The following CDH18 variants were observed in gnomAD, a reference collection of about 807,000 sequenced individuals.
CDH18 encodes cadherin 18.
Under a neutral mutation model 67.9 loss-of-function variants are expected in CDH18, and 31 were observed. The ratio of observed to expected loss-of-function variants is 0.46; its 90% confidence interval spans 0.34 to 0.62. The LOEUF is 0.62. Ranked by LOEUF, CDH18 falls within the 20% of genes least tolerant of loss-of-function variation. The pLI is 0.01. For synonymous variants in CDH18, 362 were observed against 347.2 expected (o/e 1.04, Z -0.48); for missense variants, 890 against 975.5 (o/e 0.91, Z 1.17).
intron 1 of CDH18, among the ~76,000 whole-genome samples, chr5:20,446,660 A>G (rs905657439): frequency 1.3e-5 from 2 of 152,244 alleles, no homozygotes; most frequent in African/African-American, 4.8e-5. Context: ...ACACTAATTC[A>G]AAGCACTTTA....
intron 11 of CDH18, among the ~76,000 whole-genome samples, chr5:19,491,587 C>T (rs775825680): frequency 1.4e-4 from 21 of 152,128 alleles, no homozygotes; most frequent in Non-Finnish European, 2.8e-4. Flanking sequence ...TTTGAAAAGA[C>T]TCCAAAAGAC....
At chr5:20,462,005 T>C (rs757101249) in intron 1 of CDH18, among the ~76,000 whole-genome samples, 2 of 152,182 alleles carry the variant, frequency 1.3e-5, no homozygotes, top group African/African-American at 4.8e-5. Context: ...AATCCAGCAA[T>C]GTCACTACTG....
intron 2 of CDH18, among the ~76,000 whole-genome samples, chr5:19,926,084 C>G (rs931279287): frequency 6.6e-6 from 1 of 151,860 alleles, no homozygotes; most frequent in Non-Finnish European, 1.5e-5. Context: ...CGTGGTTCAC[C>G]TGCAATTTTT....
intron 1 of CDH18, among the ~76,000 whole-genome samples, chr5:20,300,128 T>C (rs1747850689): frequency 6.6e-6 from 1 of 152,182 alleles, no homozygotes. Context: ...AAATATCCTG[T>C]AATCTTTCCT....
At chr5:20,541,103 G>A (rs565985436) in intron 1 of CDH18, among the ~76,000 whole-genome samples, 44 of 152,248 alleles carry the variant, frequency 2.9e-4, no homozygotes, top group African/African-American at 9.6e-4. Context: ...AAGTGCAAAA[G>A]CAGGAATGAA....
At position 19,729,669 on chromosome 5, in the gene CDH18, T is replaced by C. The variant is rs1041321704; in HGVS notation, c.524-8203A>G. Among the ~76,000 whole-genome samples the C allele has an allele frequency of 2.6e-5, 4 of 152,160 alleles. No individual in the cohort carries two copies. In the East Asian group the frequency reaches 7.7e-4, roughly 29 times the overall value. On this transcript the variant is annotated intron_variant, in intron 4 of 12. Transcript: ENST00000382275. ...GCAGAATACTTAGAAGGGAGTAATA[T>C]CCAGGAACTAACAACACTGTTGTGC... is the stretch of plus-strand genomic sequence containing the variant.
At chr5:19,753,529 TA>T in intron 3 of CDH18, among the ~76,000 whole-genome samples, 1 of 152,162 alleles carries the variant, frequency 6.6e-6, no homozygotes, top group Non-Finnish European at 1.5e-5. Context: ...GGGATTATAT[TA>T]AATGACCAAA....
chr5:20,305,623 G>C, intron 1 of CDH18: 3 of 471,746 alleles, frequency 6.4e-6, no homozygotes, highest in East Asian at 4.5e-5. Flanking sequence ...GGCAAACCCA[G>C]AGACTCAAAC....
intron 5 of CDH18, among the ~76,000 whole-genome samples, chr5:19,614,628 GATT>G (rs1580504136): frequency 6.6e-6 from 1 of 151,996 alleles, no homozygotes; most frequent in Admixed American, 6.6e-5. Context: ...AGAAATATGA[GATT>G]ATTATCAAAG....
chr5:19,520,067 A>G (rs1469979660), intron 10 of CDH18, among the ~76,000 whole-genome samples: 3 of 152,124 alleles, frequency 2.0e-5, no homozygotes, highest in Non-Finnish European at 4.4e-5. Flanking sequence ...AACCCCTTTC[A>G]GTCTCCTACT....
intron 5 of CDH18, among the ~76,000 whole-genome samples, chr5:19,701,680 A>G (rs1302615032): frequency 2.0e-5 from 3 of 152,084 alleles, no homozygotes; most frequent in Non-Finnish European, 4.4e-5. Flanking sequence ...TACCGCTTAG[A>G]GATAAAATTG....
intron 2 of CDH18, among the ~76,000 whole-genome samples, chr5:20,096,411 C>T (rs952946636): frequency 6.6e-6 from 1 of 151,510 alleles, no homozygotes; most frequent in Non-Finnish European, 1.5e-5. Context: ...ACTACTTTGA[C>T]CAAGGAAAAA....
chr5:19,728,230 C>A (rs986056055), intron 4 of CDH18, among the ~76,000 whole-genome samples: 3 of 152,126 alleles, frequency 2.0e-5, no homozygotes, highest in African/African-American at 4.8e-5. Context: ...AAAGAAAAAT[C>A]TTTCAAAAGT....
At chr5:20,437,485 A>T (rs753865160) in intron 1 of CDH18, among the ~76,000 whole-genome samples, 4 of 151,382 alleles carry the variant, frequency 2.6e-5, no homozygotes, top group Non-Finnish European at 5.9e-5. Context: ...TGGTAAGGTG[A>T]CTTTGTACTT....
intron 2 of CDH18, among the ~76,000 whole-genome samples, chr5:20,080,490 G>A (rs74486754): frequency 0.02 from 2,979 of 152,254 alleles, 45 homozygotes; most frequent in Middle Eastern, 0.044. Context: ...ACAGCTTACA[G>A]ATCACAAGAG....
At chr5:19,622,634 T>C (rs901163894) in intron 5 of CDH18, among the ~76,000 whole-genome samples, 1 of 152,154 alleles carries the variant, frequency 6.6e-6, no homozygotes, top group African/African-American at 2.4e-5. Flanking sequence ...GCCTGTGAGC[T>C]TTCTGGTAAG....
intron 2 of CDH18, among the ~76,000 whole-genome samples, chr5:19,976,834 A>G (rs1366224860): frequency 6.6e-6 from 1 of 152,176 alleles, no homozygotes; most frequent in Non-Finnish European, 1.5e-5. Flanking sequence ...AGGCAAAAAT[A>G]AAGACAAGAA....
chr5:19,610,494 G>T (rs1398042685), intron 6 of CDH18, among the ~76,000 whole-genome samples: 1 of 151,808 alleles, frequency 6.6e-6, no homozygotes, highest in East Asian at 1.9e-4. Flanking sequence ...AGGAAGAAAT[G>T]GAGAAAAAGA....
At position 19,977,776 on chromosome 5, in the gene CDH18, T is replaced by C. The variant is rs540776163; in HGVS notation, c.-257+3284A>G. On this transcript the variant is annotated intron_variant, in intron 2 of 12. Transcript: ENST00000382275. ...ATGATTTAAACATGAGATAAGGCCA[T>C]TCAAACTGGAAGGATAAATTTTTCC... is the stretch of plus-strand genomic sequence containing the variant. Among the ~76,000 whole-genome samples, 681 of 152,274 alleles carry C rather than the reference T, an allele frequency of 4.5e-3. 10 individuals are homozygous for C. The highest frequency in any genetic ancestry group is 0.027 in the South Asian group (131 of 4,828).
Sources: gnomAD v4.1 joint callset for allele counts (sites outside exome capture counted in the v4.1 genomes callset) on GRCh38, gnomAD v4.1.1 for gene constraint, MANE v1.5 for transcripts, NCBI Gene and HGNC (gene_info 2026-07-23, HGNC 2026-07-21) for gene names.